The following IKZF3 variants were observed in gnomAD, a reference collection of about 807,000 sequenced individuals.
The protein encoded by IKZF3 is zinc finger protein Aiolos.
A neutral mutation model predicts 49.0 loss-of-function variants in IKZF3; 10 were observed. The observed-to-expected ratio is 0.20, with a 90% CI of 0.13 to 0.35. The LOEUF is 0.35. Ranked by LOEUF, IKZF3 falls within the 10% of genes least tolerant of loss-of-function variation. The pLI is 1.00. For synonymous variants in IKZF3, 209 were observed against 228.2 expected (o/e 0.92, Z 0.76); for missense variants, 498 against 664.8 (o/e 0.75, Z 2.76).
chr17:39,771,551 C>T (rs1287893146), intron 7 of IKZF3, among the ~76,000 whole-genome samples: 1 of 152,146 alleles, frequency 6.6e-6, no homozygotes, highest in Non-Finnish European at 1.5e-5. Context: ...AAATATGCCA[C>T]ACTTAATATG....
At chr17:39,828,197 A>C (rs2062008608) in intron 3 of IKZF3, among the ~76,000 whole-genome samples, 1 of 152,222 alleles carries the variant, frequency 6.6e-6, no homozygotes, top group South Asian at 2.1e-4. Context: ...AGAACTCCTA[A>C]GGGCCTGATG....
intron 6 of IKZF3, among the ~76,000 whole-genome samples, chr17:39,785,739 T>C (rs1445413407): frequency 6.6e-6 from 1 of 152,112 alleles, no homozygotes; most frequent in African/African-American, 2.4e-5. Context: ...GCAAACCAGA[T>C]AATATATAAC....
chr17:39,834,137 G>C (rs763436768), intron 1 of IKZF3, among the ~76,000 whole-genome samples: 2 of 152,144 alleles, frequency 1.3e-5, no homozygotes, highest in Admixed American at 6.5e-5. Flanking sequence ...GATTAGACTG[G>C]AGCATGATCA....
At chr17:39,824,785 T>A (rs926265039) in intron 3 of IKZF3, among the ~76,000 whole-genome samples, 8 of 151,798 alleles carry the variant, frequency 5.3e-5, no homozygotes, top group African/African-American at 1.9e-4. Context: ...AAGCTCTGCC[T>A]CCCAGGTTCA....
chr17:39,813,265 C>T (rs933647126), intron 3 of IKZF3, among the ~76,000 whole-genome samples: 3 of 150,242 alleles, frequency 2.0e-5, no homozygotes, highest in Non-Finnish European at 3.0e-5. Flanking sequence ...TCTTCCTACA[C>T]ATTCCTTTTA....
chr17:39,820,513 A>T (rs1316356019), intron 3 of IKZF3, among the ~76,000 whole-genome samples: 1 of 152,222 alleles, frequency 6.6e-6, no homozygotes, highest in Non-Finnish European at 1.5e-5. Flanking sequence ...ACTGTGGTAT[A>T]ATACAAAAAC....
At chr17:39,818,371 A>G (rs1443675197) in intron 3 of IKZF3, among the ~76,000 whole-genome samples, 2 of 152,202 alleles carry the variant, frequency 1.3e-5, no homozygotes, top group Admixed American at 1.3e-4. Flanking sequence ...AACAATTACA[A>G]CACTATACTA....
At chr17:39,831,119 T>C (rs901569446) in intron 2 of IKZF3, among the ~76,000 whole-genome samples, 5 of 152,184 alleles carry the variant, frequency 3.3e-5, no homozygotes, top group African/African-American at 1.2e-4. Context: ...CGGTGGCTCA[T>C]GCCTGTAATC....
chr17:39,767,896 C>G (rs2060334309), intron 7 of IKZF3, among the ~76,000 whole-genome samples: 1 of 151,940 alleles, frequency 6.6e-6, no homozygotes, highest in African/African-American at 2.4e-5. Context: ...AACCTTGTCT[C>G]TACAAAAAAA....
At chr17:39,806,139 G>A (rs746189373) in intron 3 of IKZF3, among the ~76,000 whole-genome samples, 47 of 152,100 alleles carry the variant, frequency 3.1e-4, no homozygotes, top group Admixed American at 1.3e-4. Flanking sequence ...TTTGACTTCC[G>A]TGAATTTTCT....
rs975455363 is a variant in IKZF3 at position 39,847,672 on chromosome 17, C to G, written c.8-15521G>C. On this transcript the variant is annotated intron_variant, in intron 1 of 7. Transcript: ENST00000346872. ...CAAAAACGTGGCATCAAGCACTCAG[C>G]CTAATAGTGCAATGAGATTTCTTTT... Among the ~76,000 whole-genome samples, 5 of 152,064 alleles carry G rather than the reference C, an allele frequency of 3.3e-5. No individual in the cohort carries two copies. The South Asian group carries it at 1.0e-3, about 32-fold the overall frequency.
At chr17:39,775,102 T>A (rs145335424) in intron 7 of IKZF3, among the ~76,000 whole-genome samples, 33 of 152,216 alleles carry the variant, frequency 2.2e-4, no homozygotes, top group Non-Finnish European at 3.8e-4. Context: ...GTTCTGTGAT[T>A]GGTCTAAACA....
At chr17:39,798,374 C>T (rs1221397785) in intron 3 of IKZF3, among the ~76,000 whole-genome samples, 3 of 152,160 alleles carry the variant, frequency 2.0e-5, no homozygotes, top group Non-Finnish European at 2.9e-5. Flanking sequence ...GGATCTGGCC[C>T]CAACCTATCT....
intron 7 of IKZF3, among the ~76,000 whole-genome samples, chr17:39,776,932 T>A (rs2060605688): frequency 6.6e-6 from 1 of 152,264 alleles, no homozygotes; most frequent in Admixed American, 6.5e-5. Context: ...AACTGATACA[T>A]TCAATTTCAG....
chr17:39,828,213 G>T (rs186044495), intron 3 of IKZF3, among the ~76,000 whole-genome samples: 1 of 152,192 alleles, frequency 6.6e-6, no homozygotes, highest in Admixed American at 6.5e-5. Context: ...TGATGAGGCA[G>T]GCTGTGCCTT....
intron 1 of IKZF3, among the ~76,000 whole-genome samples, chr17:39,859,945 A>G (rs887296143): frequency 6.6e-6 from 1 of 152,154 alleles, no homozygotes; most frequent in African/African-American, 2.4e-5. Context: ...TTGGACATCT[A>G]TCTAGGCCAG....
chr17:39,845,855 CA>C (rs2062614925), intron 1 of IKZF3, among the ~76,000 whole-genome samples: 1 of 152,148 alleles, frequency 6.6e-6, no homozygotes, highest in African/African-American at 2.4e-5. Context: ...TTACAAATGT[CA>C]CTGATTGAAA....
chr17:39,838,105 T>C (rs945226489), intron 1 of IKZF3, among the ~76,000 whole-genome samples: 5 of 152,212 alleles, frequency 3.3e-5, no homozygotes, highest in African/African-American at 1.2e-4. Flanking sequence ...TTTGCATATA[T>C]CCCACTTGGG....
intron 6 of IKZF3, among the ~76,000 whole-genome samples, chr17:39,785,373 T>C (rs2060849008): frequency 6.6e-6 from 1 of 152,198 alleles, no homozygotes; most frequent in Admixed American, 6.5e-5. Context: ...CTTGCTGACT[T>C]AGTTAACCCT....
Sources: gnomAD v4.1 joint callset for allele counts (sites outside exome capture counted in the v4.1 genomes callset) on GRCh38, gnomAD v4.1.1 for gene constraint, MANE v1.5 for transcripts, NCBI Gene and HGNC (gene_info 2026-07-23, HGNC 2026-07-21) for gene names.